Variants in KCNQ3 observed in about 807,000 individuals in gnomAD.
KCNQ3 encodes potassium voltage-gated channel subfamily Q member 3.
KCNQ3 carries 30 observed loss-of-function variants against 92.5 expected under a neutral mutation model. The observed-to-expected ratio is 0.32, with a 90% confidence interval of 0.24 to 0.44. The LOEUF is 0.44. Among genes scored for constraint, KCNQ3 ranks in the 20% least tolerant of loss-of-function variants. KCNQ3 has a pLI of 1.00. For synonymous variants in KCNQ3, 450 were observed against 468.8 expected, an observed-to-expected ratio of 0.96 and a Z score of 0.52; for missense variants, 913 against 1,140.3, an observed-to-expected ratio of 0.80 and a Z score of 2.87.
intron 1 of KCNQ3, among the ~76,000 whole-genome samples, chr8:132,466,808 G>T (rs1822182794): frequency 6.6e-6 from 1 of 152,078 alleles, no homozygotes; most frequent in Non-Finnish European, 1.5e-5. Context: ...TAAACACACA[G>T]TTTACAAAGA....
chr8:132,312,054 A>G (rs969247057), intron 1 of KCNQ3, among the ~76,000 whole-genome samples: 3 of 152,218 alleles, frequency 2.0e-5, no homozygotes, highest in African/African-American at 7.2e-5. Context: ...GGGAATGTCG[A>G]AAACTGCTGG....
At chr8:132,193,083 C>A (rs1480101871) in intron 1 of KCNQ3, among the ~76,000 whole-genome samples, 1 of 152,134 alleles carries the variant, frequency 6.6e-6, no homozygotes, top group African/African-American at 2.4e-5. Flanking sequence ...TTCCTCTGCG[C>A]CTTGCCCACC....
At chr8:132,304,677 T>C (rs941815899) in intron 1 of KCNQ3, among the ~76,000 whole-genome samples, 10 of 152,182 alleles carry the variant, frequency 6.6e-5, no homozygotes, top group Non-Finnish European at 1.5e-4. Context: ...CAGTGCAGCT[T>C]ATAAAACATT....
chr8:132,226,626 A>G (rs1293412770), intron 1 of KCNQ3, among the ~76,000 whole-genome samples: 1 of 152,176 alleles, frequency 6.6e-6, no homozygotes, highest in Non-Finnish European at 1.5e-5. Context: ...GGACCATGCT[A>G]TTTTGCAGAA....
intron 1 of KCNQ3, among the ~76,000 whole-genome samples, chr8:132,441,571 A>AAAAAG (rs762803350): frequency 4.5e-4 from 61 of 135,808 alleles, no homozygotes; most frequent in Non-Finnish European, 8.0e-4. Context: ...ACAAAAATCA[A>AAAAAG]AAAACAAAAC....
At chr8:132,453,423 G>T (rs1267595445) in intron 1 of KCNQ3, among the ~76,000 whole-genome samples, 1 of 152,212 alleles carries the variant, frequency 6.6e-6, no homozygotes, top group Non-Finnish European at 1.5e-5. Flanking sequence ...GGCCTGAGAG[G>T]TCGGGCTGCC....
chr8:132,338,754 A>G (rs1818437721), intron 1 of KCNQ3, among the ~76,000 whole-genome samples: 1 of 152,194 alleles, frequency 6.6e-6, no homozygotes, highest in African/African-American at 2.4e-5. Context: ...AGAAAAAATT[A>G]AGCTGCTTCT....
chr8:132,337,441 T>C (rs1016331155), intron 1 of KCNQ3, among the ~76,000 whole-genome samples: 2 of 152,048 alleles, frequency 1.3e-5, no homozygotes, highest in African/African-American at 2.4e-5. Flanking sequence ...GAGGTTGCAA[T>C]AAGCCATGAT....
At chr8:132,474,457 A>T (rs1822363102) in intron 1 of KCNQ3, among the ~76,000 whole-genome samples, 1 of 152,086 alleles carries the variant, frequency 6.6e-6, no homozygotes, top group South Asian at 2.1e-4. Flanking sequence ...TAGAGAAGTG[A>T]TCACCCTCAC....
chr8:132,173,583 T>C (rs62519571), intron 6 of KCNQ3, among the ~76,000 whole-genome samples: 9,406 of 151,916 alleles, frequency 0.062, 374 homozygotes, highest in Non-Finnish European at 0.074. Flanking sequence ...ATTTGAAAAA[T>C]TGAGATAAAA....
At chr8:132,164,494 A>C (rs1826084322) in intron 8 of KCNQ3, among the ~76,000 whole-genome samples, 1 of 152,102 alleles carries the variant, frequency 6.6e-6, no homozygotes, top group Admixed American at 6.5e-5. Context: ...GAAGTAAAAG[A>C]GTTAAGAATT....
chr8:132,345,374 A>G (rs10505595), intron 1 of KCNQ3, among the ~76,000 whole-genome samples: 12,966 of 152,286 alleles, frequency 0.085, 634 homozygotes, highest in South Asian at 0.18. Flanking sequence ...GTGATGGTCC[A>G]GGAACGTACT....
At chr8:132,318,056 G>A (rs1396162889) in intron 1 of KCNQ3, among the ~76,000 whole-genome samples, 1 of 152,184 alleles carries the variant, frequency 6.6e-6, no homozygotes, top group East Asian at 1.9e-4. Flanking sequence ...CACTCAGCTG[G>A]TCAGTGTCCT....
Position 132,128,501 on chromosome 8 carries a change from T to TTGTGTGTGTGTG in KCNQ3, c.*760_*761insCACACACACACA, listed in dbSNP as rs886062682. On this transcript the variant is annotated 3_prime_UTR_variant, in exon 15 of 15. Coordinates refer to ENST00000388996, the MANE Select transcript of KCNQ3 (RefSeq NM_004519.4). ...ACATAAATTGGAAACTATTTTAACT[T>TTGTGTGTGTGTG]TGTGTATGTGTGTGTGTGTGTGTGT... 88 of 116,934 alleles carry TTGTGTGTGTGTG rather than the reference T, an allele frequency of 7.5e-4. No homozygotes were observed. The highest frequency in any genetic ancestry group is 2.5e-3 in the African/African-American group (80 of 31,710). 7.2% of individuals were successfully genotyped at this position (116,934 alleles called of 1,614,324 possible).
intron 1 of KCNQ3, among the ~76,000 whole-genome samples, chr8:132,253,984 C>A (rs969865017): frequency 1.1e-4 from 17 of 152,184 alleles, no homozygotes; most frequent in African/African-American, 3.9e-4. Flanking sequence ...CAGATGGGAG[C>A]TATTATCTAT....
intron 1 of KCNQ3, among the ~76,000 whole-genome samples, chr8:132,440,211 A>G (rs534087032): frequency 1.5e-4 from 23 of 152,288 alleles, no homozygotes; most frequent in Non-Finnish European, 1.2e-4. Context: ...TTGGATGCCA[A>G]CAGTCATCTC....
rs534740809 is a variant in KCNQ3, at chr8:132,227,189, G to A, written c.387-41008C>T. ...CTGATTCTCCTGGCTCAGCCTCCCA[G>A]TAGCTGGGACTACAGGCACGTGCCC... On this transcript the variant is annotated intron_variant, in intron 1 of 14. Transcript: ENST00000388996. 5.3e-4 allele frequency among the ~76,000 whole-genome samples: 81 copies of A among 151,712 alleles called. 1 individual carries two copies. The highest frequency in any genetic ancestry group is 1.9e-3 in the African/African-American group (80 of 41,336).
chr8:132,246,113 C>A (rs1237502750), intron 1 of KCNQ3, among the ~76,000 whole-genome samples: 2 of 152,172 alleles, frequency 1.3e-5, no homozygotes, highest in Non-Finnish European at 2.9e-5. Context: ...CCACACGGGG[C>A]ATGGCCAGGG....
chr8:132,229,477 C>CTGG (rs945870099), intron 1 of KCNQ3, among the ~76,000 whole-genome samples: 19 of 151,932 alleles, frequency 1.3e-4, no homozygotes, highest in African/African-American at 4.6e-4. Flanking sequence ...GCATGGCTAG[C>CTGG]TGGTGCCCTT....
Sources: allele counts gnomAD v4.1 joint callset (sites outside exome capture counted in the v4.1 genomes callset), GRCh38; gene constraint gnomAD v4.1.1; transcripts MANE v1.5; gene names NCBI Gene and HGNC (gene_info 2026-07-23, HGNC 2026-07-21).